Variants in PLCE1 observed in about 807,000 individuals in gnomAD.
PLCE1 encodes phospholipase C epsilon 1, also known as 1-phosphatidylinositol 4,5-bisphosphate phosphodiesterase epsilon-1.
PLCE1 carries 119 observed loss-of-function variants against 242.8 expected under a neutral mutation model. The observed-to-expected ratio is 0.49, with a 90% CI of 0.42 to 0.57. PLCE1 has a LOEUF of 0.57. Among genes scored for constraint, PLCE1 ranks in the 20% least tolerant of loss-of-function variants. The pLI is 0.00. For missense variants in PLCE1, 2,441 were observed against 2,788.8 expected, an observed-to-expected ratio of 0.88 and a Z score of 2.81; for synonymous variants, 945 against 1,017.4, an observed-to-expected ratio of 0.93 and a Z score of 1.35.
chr10:94,146,655 C>T (rs538044852), intron 3 of PLCE1, among the ~76,000 whole-genome samples: 39 of 152,298 alleles, frequency 2.6e-4, no homozygotes, highest in African/African-American at 8.4e-4. Context: ...ACTCACTGGA[C>T]GCCTTTCAGA....
intron 2 of PLCE1, among the ~76,000 whole-genome samples, chr10:94,065,159 C>A (rs1357100672): frequency 6.6e-6 from 1 of 152,174 alleles, no homozygotes; most frequent in Admixed American, 6.5e-5. Context: ...AGCTTCTCAC[C>A]CAACTCCTGC....
intron 2 of PLCE1, among the ~76,000 whole-genome samples, chr10:94,037,772 T>G (rs2061691047): frequency 6.6e-6 from 1 of 152,028 alleles, no homozygotes; most frequent in African/African-American, 2.4e-5. Flanking sequence ...AGGATAAATG[T>G]CCCCCCGCAT....
chr10:94,074,623 A>C (rs1201855842), intron 2 of PLCE1, among the ~76,000 whole-genome samples: 1 of 152,224 alleles, frequency 6.6e-6, no homozygotes, highest in Admixed American at 6.5e-5. Context: ...ATCTTTATTA[A>C]GTCCAAAATG....
chr10:94,313,445 G>A lies in PLCE1; in HGVS notation c.6132+63G>A, dbSNP rs1012351613. The stretch of plus-strand genomic sequence containing the variant: ...CTAAGATGTATGGATGTATGTGTGT[G>A]TATAAATGCCTGTGTGTAAACATAC... On this transcript the variant is annotated intron_variant, in intron 28 of 32. Transcript: ENST00000371380. The A allele has an allele frequency of 8.2e-6, 13 of 1,580,820 alleles. No individual in the cohort carries two copies. In the East Asian group the frequency reaches 1.3e-4, roughly 16 times the overall value.
intron 2 of PLCE1, among the ~76,000 whole-genome samples, chr10:94,079,547 A>G (rs868328775): frequency 9.8e-5 from 15 of 152,314 alleles, no homozygotes; most frequent in Middle Eastern, 6.8e-3. Context: ...GTGTATACCT[A>G]TGTAACAAAA....
chr10:94,211,486 A>G (rs1259965974), intron 4 of PLCE1, among the ~76,000 whole-genome samples: 1 of 152,242 alleles, frequency 6.6e-6, no homozygotes, highest in African/African-American at 2.4e-5. Flanking sequence ...AATGGACTAA[A>G]TAATGTCTAA....
intron 3 of PLCE1, among the ~76,000 whole-genome samples, chr10:94,155,305 G>T (rs1343995968): frequency 6.6e-6 from 1 of 152,096 alleles, no homozygotes; most frequent in African/African-American, 2.4e-5. Flanking sequence ...TTATTAAAAA[G>T]AAATGAAATA....
chr10:94,276,477 CAG>C (rs1343348751), intron 19 of PLCE1, among the ~76,000 whole-genome samples: 3 of 152,104 alleles, frequency 2.0e-5, no homozygotes, highest in Non-Finnish European at 4.4e-5. Flanking sequence ...CTGACTAAGT[CAG>C]AATTTCCAGA....
rs2051290115 is a variant in PLCE1, at chr10:94,261,324, C to T, written c.3815-1170C>T. Among the ~76,000 whole-genome samples, 6 of 152,268 alleles carry T rather than the reference C, an allele frequency of 3.9e-5. No individual in the cohort carries two copies. In the South Asian group the frequency reaches 1.2e-3, roughly 32 times the overall value. On this transcript the variant is annotated intron_variant, in intron 13 of 32. Coordinates refer to ENST00000371380, the MANE Select transcript of PLCE1 (RefSeq NM_016341.4). ...TTCCTTCCTCCGTGGCTTTTTGCAG[C>T]TTGGTAGCCCATTTCTTTTTACCCT...
At chr10:94,012,653 G>T (rs1423240058) in intron 1 of PLCE1, among the ~76,000 whole-genome samples, 2 of 152,106 alleles carry the variant, frequency 1.3e-5, no homozygotes, top group Non-Finnish European at 2.9e-5. Context: ...GCTGCAGTTA[G>T]CCCAAAGTGG....
rs759614140 is a variant in PLCE1 at position 94,270,548 on chromosome 10, G to T, written c.4452G>T (p.Ser1484=). 6.2e-7 allele frequency: 1 copy of T among 1,613,992 alleles called. No homozygotes were observed. The highest frequency in any genetic ancestry group is 8.5e-7 in the Non-Finnish European group (1 of 1,179,888). ...FINSDLPIII[S]IENHCSLPQQ... ...ACTCTGACCTGCCAATCATCATATC[G>T]ATTGAGAACCACTGTTCATTGCCTC... The change falls in exon 18 of 33, where the codon TCG becomes TCT. Residue 1484 remains serine (S), a synonymous_variant. Transcript: ENST00000371380.
At chr10:94,185,106 G>T (rs1590203826) in intron 4 of PLCE1, among the ~76,000 whole-genome samples, 1 of 152,232 alleles carries the variant, frequency 6.6e-6, no homozygotes, top group Non-Finnish European at 1.5e-5. Flanking sequence ...ATACACAAAA[G>T]GGGATAAAGC....
intron 1 of PLCE1, among the ~76,000 whole-genome samples, chr10:94,006,198 A>G (rs1356900508): frequency 1.3e-5 from 2 of 152,244 alleles, no homozygotes; most frequent in African/African-American, 4.8e-5. Context: ...TAAAATGGAC[A>G]TAGTCATAGC....
intron 2 of PLCE1, chr10:94,100,768 A>T (rs955003635): frequency 6.6e-6 from 1 of 152,216 alleles, no homozygotes; most frequent in Non-Finnish European, 1.5e-5. Flanking sequence ...CTCATACTGT[A>T]TGCAGACCAC....
chr10:94,316,535 C>G lies in PLCE1; in HGVS notation c.6133-12C>G. 1 of 1,592,222 alleles carries G rather than the reference C, an allele frequency of 6.3e-7. No homozygotes were observed. The highest frequency in any genetic ancestry group is 8.6e-7 in the Non-Finnish European group (1 of 1,162,486). ...TGCCTCACTCCTCAGTTTGCCTTCA[C>G]TTTTTCTTTAGATTCTGACAAATGA... On this transcript the variant is annotated splice_polypyrimidine_tract_variant and intron_variant, in intron 28 of 32. Transcript: ENST00000371380.
Position 94,001,846 on chromosome 10 carries a change from G to T in PLCE1, c.-365+7588G>T, listed in dbSNP as rs74151947. Among the ~76,000 whole-genome samples the T allele has an allele frequency of 2.0e-3, 299 of 152,308 alleles. 2 individuals carry two copies. Among genetic ancestry groups the T allele is most frequent in the African/African-American group, 7.0e-3 (289 of 41,564 alleles). On this transcript the variant is annotated intron_variant, in intron 1 of 32. Coordinates refer to ENST00000371380, the MANE Select transcript of PLCE1 (RefSeq NM_016341.4). Reference sequence around the variant, plus strand: ...CTAGTAGCCTGTTTTGCCAATCTCAGAAAGGTGGATAAAATTCACAAAAGC... The same window carrying T: ...CTAGTAGCCTGTTTTGCCAATCTCATAAAGGTGGATAAAATTCACAAAAGC...
At chr10:94,225,683 A>C (rs2049915371) in intron 4 of PLCE1, among the ~76,000 whole-genome samples, 1 of 152,232 alleles carries the variant, frequency 6.6e-6, no homozygotes, top group Non-Finnish European at 1.5e-5. Context: ...ATGAAAGAGC[A>C]CTGGGCTGGG....
chr10:94,251,664 C>T (rs1405821133), intron 8 of PLCE1, among the ~76,000 whole-genome samples: 1 of 152,166 alleles, frequency 6.6e-6, no homozygotes, highest in Non-Finnish European at 1.5e-5. Context: ...GAAGCAGTAG[C>T]TACTGTGAAC....
chr10:94,205,909 T>C (rs1231134644), intron 4 of PLCE1, among the ~76,000 whole-genome samples: 1 of 152,230 alleles, frequency 6.6e-6, no homozygotes, highest in Non-Finnish European at 1.5e-5. Flanking sequence ...TTTAGAAATA[T>C]TGACTGAGTG....
Sources: gnomAD v4.1 joint callset for allele counts (sites outside exome capture counted in the v4.1 genomes callset) on GRCh38, gnomAD v4.1.1 for gene constraint, MANE v1.5 for transcripts, NCBI Gene and HGNC (gene_info 2026-07-23, HGNC 2026-07-21) for gene names.